Variants in SEMA5A observed in about 807,000 individuals in gnomAD.
SEMA5A encodes semaphorin 5A, also known as semaphorin-5A.
In SEMA5A, 55 loss-of-function variants were observed where a neutral mutation model predicts 135.5. That is an observed-to-expected ratio of 0.41 (90% CI 0.33 to 0.51). The LOEUF (loss-of-function observed/expected upper bound fraction) is 0.51. Ranked by LOEUF, SEMA5A falls within the 20% of genes least tolerant of loss-of-function variation. The pLI is 0.37. For missense variants in SEMA5A, 1,290 were observed against 1,419.9 expected (o/e 0.91, Z 1.47); for synonymous variants, 580 against 546.5 (o/e 1.06, Z -0.85).
intron 16 of SEMA5A, among the ~76,000 whole-genome samples, chr5:9,096,976 C>G (rs1415837793): frequency 1.3e-5 from 2 of 151,950 alleles, no homozygotes; most frequent in Non-Finnish European, 2.9e-5. Flanking sequence ...AAACGAGTAA[C>G]TATGAGAGAA....
At chr5:9,511,263 T>C (rs1166203646) in intron 1 of SEMA5A, 1 of 152,202 alleles carries the variant, frequency 6.6e-6, no homozygotes, top group Non-Finnish European at 1.5e-5. Context: ...GATTTTGTGA[T>C]GTCATAATGT....
chr5:9,225,004 A>T (rs2150417208), intron 7 of SEMA5A, 117 bp from the exon 8 acceptor site: 1 of 909,878 alleles, frequency 1.1e-6, no homozygotes, highest in East Asian at 2.7e-5. Context: ...TCGGGGGCCC[A>T]TGGGGCAAGA....
At chr5:9,203,682 A>T (rs951177687) in intron 8 of SEMA5A, among the ~76,000 whole-genome samples, 1 of 152,226 alleles carries the variant, frequency 6.6e-6, no homozygotes, top group Non-Finnish European at 1.5e-5. Flanking sequence ...TAAATGGTTT[A>T]TGTATGATAC....
chr5:9,160,340 G>C (rs558381230), intron 11 of SEMA5A, among the ~76,000 whole-genome samples: 1 of 152,224 alleles, frequency 6.6e-6, no homozygotes, highest in South Asian at 2.1e-4. Flanking sequence ...AGGTGGACTC[G>C]AGCATCCTTG....
rs1309173007 is a variant in SEMA5A at position 9,204,229 on chromosome 5, T to C, written c.647-1989A>G. ...AACAAAAACAGCAACAAGCAACCCT[T>C]CCTAAAATGTGGAAAACAAAGAGAG... On this transcript the variant is annotated intron_variant, in intron 8 of 22. Coordinates refer to ENST00000382496, the MANE Select transcript of SEMA5A (RefSeq NM_003966.3). The surrounding 1 kb of genome is among the most constrained non-coding windows in gnomAD (Gnocchi z 6.4). Among the ~76,000 whole-genome samples the C allele has an allele frequency of 3.3e-5, 5 of 152,112 alleles. No homozygotes were observed. The East Asian group carries it at 9.6e-4, about 29-fold the overall frequency.
chr5:9,100,098 T>C lies in SEMA5A; in HGVS notation c.2073+8042A>G, dbSNP rs748970757. On this transcript the variant is annotated intron_variant, in intron 16 of 22. Coordinates refer to ENST00000382496, the MANE Select transcript of SEMA5A (RefSeq NM_003966.3). ...AGTGGAGTGCCATCTGGCCTAATAA[T>C]GGGTATCCATGGCTATGCGATGACT... 1.1e-4 allele frequency among the ~76,000 whole-genome samples: 16 copies of C among 152,296 alleles called. No individual in the cohort carries two copies. The East Asian group carries it at 3.1e-3, about 29-fold the overall frequency.
At chr5:9,240,730 A>G (rs562192955) in intron 5 of SEMA5A, among the ~76,000 whole-genome samples, 3 of 152,184 alleles carry the variant, frequency 2.0e-5, no homozygotes, top group Admixed American at 6.5e-5. Flanking sequence ...ATACCTCTTA[A>G]TCAAGCCTTC....
rs149506264 is a variant in SEMA5A at position 9,122,786 on chromosome 5, G to A, written c.1651C>T (p.Pro551Ser). The change falls in exon 14 of 23, where the codon CCT becomes TCT. Residue 551 changes from proline to serine, a missense_variant. Coordinates refer to ENST00000382496, the MANE Select transcript of SEMA5A (RefSeq NM_003966.3). ...GHFGVWSPWT[P>S]CTHTDGSAVG... ...GCGCTGCCATCTGTGTGCGTGCAAG[G>A]CGTCCACGGAGACCACACACCAAAG... The A allele has an allele frequency of 6.4e-5, 103 of 1,612,694 alleles. No individual in the cohort carries two copies. In the African/African-American group the frequency reaches 1.3e-3, roughly 20 times the overall value.
chr5:9,198,151 C>T (rs146112098), intron 9 of SEMA5A, among the ~76,000 whole-genome samples: 135 of 152,266 alleles, frequency 8.9e-4, no homozygotes, highest in African/African-American at 3.1e-3. Context: ...TGCTCTGAGA[C>T]AATACCACAA....
chr5:9,280,339 G>C (rs1020811279), intron 5 of SEMA5A, among the ~76,000 whole-genome samples: 7 of 152,180 alleles, frequency 4.6e-5, no homozygotes, highest in African/African-American at 1.7e-4. Flanking sequence ...GTAAAGAAAA[G>C]AAAGGCAAAG....
intron 1 of SEMA5A, among the ~76,000 whole-genome samples, chr5:9,481,241 C>T (rs1474662253): frequency 4.9e-4 from 75 of 152,102 alleles, no homozygotes; most frequent in Admixed American, 4.7e-3. Context: ...CCACCATGCC[C>T]GGCCCAAAAC....
intron 4 of SEMA5A, among the ~76,000 whole-genome samples, chr5:9,330,035 T>G (rs191164451): frequency 6.6e-6 from 1 of 152,226 alleles, no homozygotes; most frequent in African/African-American, 2.4e-5. Flanking sequence ...AATCTGCAGA[T>G]GCAGAACCCA....
intron 1 of SEMA5A, among the ~76,000 whole-genome samples, chr5:9,468,624 G>T (rs1034140545): frequency 1.7e-4 from 4 of 23,714 alleles, no homozygotes; most frequent in Non-Finnish European, 2.8e-4. Context: ...TAAAATTCAG[G>T]CTGTCTATAT....
chr5:9,227,743 G>C (rs1048689593), intron 6 of SEMA5A, among the ~76,000 whole-genome samples: 1 of 152,000 alleles, frequency 6.6e-6, no homozygotes, highest in Non-Finnish European at 1.5e-5. Flanking sequence ...GTAGAGACAG[G>C]GTTTCACCAT....
chr5:9,161,116 G>GT (rs936494055), intron 11 of SEMA5A, among the ~76,000 whole-genome samples: 1 of 127,476 alleles, frequency 7.8e-6, no homozygotes, highest in Non-Finnish European at 1.8e-5. Context: ...AGAGAAATGT[G>GT]TTTTTTAGTG....
intron 6 of SEMA5A, among the ~76,000 whole-genome samples, chr5:9,232,100 C>T (rs752564197): frequency 4.6e-5 from 7 of 152,190 alleles, no homozygotes; most frequent in Admixed American, 1.3e-4. Context: ...GTCTCAAGGA[C>T]ACAAGGCCCC....
intron 12 of SEMA5A, among the ~76,000 whole-genome samples, chr5:9,139,683 T>C (rs1427134680): frequency 6.6e-6 from 1 of 152,196 alleles, no homozygotes; most frequent in Admixed American, 6.5e-5. Context: ...AGTAATATTT[T>C]CCCTGTTTGA....
At chr5:9,045,419 A>G (rs1736196050) in intron 21 of SEMA5A, among the ~76,000 whole-genome samples, 1 of 152,222 alleles carries the variant, frequency 6.6e-6, no homozygotes, top group Non-Finnish European at 1.5e-5. Flanking sequence ...CTATTCACAT[A>G]AACACATACA....
intron 1 of SEMA5A, among the ~76,000 whole-genome samples, chr5:9,467,847 A>G (rs975773282): frequency 2.6e-5 from 4 of 152,248 alleles, no homozygotes; most frequent in African/African-American, 9.6e-5. Context: ...GCTACAAATA[A>G]GGAAACACTG....
Sources: allele counts gnomAD v4.1 joint callset (sites outside exome capture counted in the v4.1 genomes callset), GRCh38; gene constraint gnomAD v4.1.1; non-coding constraint Gnocchi (gnomAD v3.1); transcripts MANE v1.5; gene names NCBI Gene and HGNC (gene_info 2026-07-23, HGNC 2026-07-21).